MAPK10: variants seen among roughly 807,000 people sequenced by gnomAD.
MAPK10 encodes mitogen-activated protein kinase 10, also known as JNK3 alpha protein kinase.
Under a neutral mutation model 59.3 loss-of-function variants are expected in MAPK10, and 25 were observed. The ratio of observed to expected loss-of-function variants is 0.42; its 90% CI spans 0.31 to 0.59. The LOEUF (loss-of-function observed/expected upper bound fraction) is 0.59, where lower values mean the gene tolerates loss of function less well. MAPK10 is among the 20% of genes least tolerant of loss of function. The probability of loss-of-function intolerance (pLI) is 0.15; values close to 1 mark genes in which losing one functional copy is unlikely to be tolerated. For missense variants in MAPK10, 351 were observed against 568.9 expected (o/e 0.62, Z 3.90); for synonymous variants, 190 against 200.5 (o/e 0.95, Z 0.44).
chr4:86,150,689 G>T (rs1016973562), intron 4 of MAPK10, among the ~76,000 whole-genome samples: 1 of 152,062 alleles, frequency 6.6e-6, no homozygotes, highest in Non-Finnish European at 1.5e-5. Context: ...GTGAAACCCC[G>T]TCTCTACTAA....
chr4:86,266,109 A>G (rs2094224083), intron 2 of MAPK10, among the ~76,000 whole-genome samples: 1 of 152,198 alleles, frequency 6.6e-6, no homozygotes, highest in South Asian at 2.1e-4. Context: ...CATGTGACGA[A>G]CTTTGTGAAA....
At chr4:86,363,089 C>T (rs145113889), upstream of MAPK10, among the ~76,000 whole-genome samples, 21 of 152,216 alleles carry the variant, frequency 1.4e-4, no homozygotes, top group African/African-American at 3.1e-4. Flanking sequence ...AGTCAGCCCT[C>T]CATGTTCATG....
intron 11 of MAPK10, 50 bp downstream of exon 11, chr4:86,064,216 T>C: frequency 6.2e-7 from 1 of 1,606,832 alleles, no homozygotes; most frequent in African/African-American, 1.3e-5. Context: ...GTTTTTGCTA[T>C]GAGCTATGAT....
chr4:86,178,347 A>G lies in MAPK10; in HGVS notation c.66+15989T>C, dbSNP rs2076157753. Among the ~76,000 whole-genome samples, 3 of 151,834 alleles carry G rather than the reference A, an allele frequency of 2.0e-5. No individual in the cohort carries two copies. The South Asian group carries it at 6.2e-4, about 31-fold the overall frequency. ...GTTTTGGTTGGTTGGATGTTTGGTG[A>G]CTCATTATTGCTTATCTCTGAGGTC... On this transcript the variant is annotated intron_variant, in intron 3 of 13. Coordinates refer to ENST00000641462, the MANE Select transcript of MAPK10 (RefSeq NM_138982.4).
rs112287084 is a variant in MAPK10 at position 86,017,143 on chromosome 4, TTGTG to T, written c.*81_*84del. The T allele has an allele frequency of 7.9e-5, 101 of 1,275,120 alleles. No homozygotes were observed. Among genetic ancestry groups the T allele is most frequent in the Middle Eastern group, 2.9e-4 (1 of 3,506 alleles). 79.0% of individuals were successfully genotyped at this position (1,275,120 alleles called of 1,614,324 possible). On this transcript the variant is annotated 3_prime_UTR_variant, in exon 14 of 14. Transcript: ENST00000641462. The surrounding 1 kb of genome is among the most constrained non-coding windows in gnomAD (Gnocchi z 4.4). ...TTTTCTTGATGTTGTGTGTCTGCAT[TTGTG>T]TGTGTGTGTGTGTCTGCGTGTGTGT... is the stretch of plus-strand genomic sequence containing the variant.
intron 1 of MAPK10, among the ~76,000 whole-genome samples, chr4:86,550,374 TAAA>T (rs753508493): frequency 2.3e-4 from 18 of 77,380 alleles, no homozygotes; most frequent in South Asian, 5.2e-4. Flanking sequence ...GAGCTTCAGT[TAAA>T]AAAAAAAAAA....
intron 9 of MAPK10, among the ~76,000 whole-genome samples, chr4:86,070,310 A>G (rs1321771234): frequency 6.6e-6 from 1 of 151,934 alleles, no homozygotes; most frequent in Admixed American, 6.6e-5. Flanking sequence ...AAACATGAAC[A>G]ACTATGTCCA....
chr4:86,368,358 G>A (rs1738238131), intron 1 of MAPK10, among the ~76,000 whole-genome samples: 1 of 152,106 alleles, frequency 6.6e-6, no homozygotes, highest in Non-Finnish European at 1.5e-5. Flanking sequence ...AACCAATAAT[G>A]ATACATTATT....
intron 1 of MAPK10, among the ~76,000 whole-genome samples, chr4:86,547,205 G>C (rs1246993175): frequency 6.6e-6 from 1 of 152,234 alleles, no homozygotes; most frequent in Non-Finnish European, 1.5e-5. Context: ...CCCTGCCTGG[G>C]TTCCCACTTT....
At chr4:86,234,304 T>G (rs2091977261) in intron 2 of MAPK10, among the ~76,000 whole-genome samples, 1 of 152,174 alleles carries the variant, frequency 6.6e-6, no homozygotes, top group Non-Finnish European at 1.5e-5. Context: ...TTTGTTATCA[T>G]CTGTTGAGTA....
At position 86,389,780 on chromosome 4, in the gene MAPK10, T is replaced by G. The variant is rs189515875; in HGVS notation, c.-121-35136A>C. 1.6e-3 allele frequency among the ~76,000 whole-genome samples: 246 copies of G among 152,358 alleles called. 4 individuals are homozygous for G. In the South Asian group the frequency reaches 0.029, roughly 18 times the overall value. On this transcript the variant is annotated intron_variant, in intron 1 of 13. Coordinates refer to the MAPK10 transcript ENST00000361569. ...GAGGAAATATTGTATGATGCTTTAT[T>G]TTCTTTGTGGAGGTACTGGGAGTTA...
intron 2 of MAPK10, among the ~76,000 whole-genome samples, chr4:86,347,879 G>A (rs1455254200): frequency 6.6e-6 from 1 of 151,980 alleles, no homozygotes; most frequent in Admixed American, 6.6e-5. Context: ...GAATTTGGAG[G>A]GAACACAAAA....
At chr4:86,571,231 T>A (rs1243152737) in intron 1 of MAPK10, among the ~76,000 whole-genome samples, 2 of 149,576 alleles carry the variant, frequency 1.3e-5, no homozygotes, top group Non-Finnish European at 3.0e-5. Context: ...AAAATTAATT[T>A]AAAAAAATCT....
At chr4:86,260,269 T>C (rs1420904222) in intron 2 of MAPK10, among the ~76,000 whole-genome samples, 1 of 152,122 alleles carries the variant, frequency 6.6e-6, no homozygotes, top group East Asian at 1.9e-4. Flanking sequence ...ATTTGTAAAA[T>C]ACGAGTTTCA....
chr4:86,205,582 G>T (rs895764619), intron 2 of MAPK10, among the ~76,000 whole-genome samples: 9 of 151,604 alleles, frequency 5.9e-5, no homozygotes, highest in Admixed American at 2.6e-4. Context: ...AAATTATCAA[G>T]CAAAATTATA....
At chr4:86,089,356 T>A in intron 9 of MAPK10, 1 of 938,622 alleles carries the variant, frequency 1.1e-6, no homozygotes, top group South Asian at 1.4e-5. Flanking sequence ...GGGCTACTCA[T>A]GCCATAGAGC....
At chr4:86,584,973 A>G (rs1033539546) in intron 1 of MAPK10, among the ~76,000 whole-genome samples, 1 of 152,200 alleles carries the variant, frequency 6.6e-6, no homozygotes, top group African/African-American at 2.4e-5. Context: ...CTTTTATCTA[A>G]CACTTTTATC....
chr4:86,176,760 A>G (rs1332174844), intron 3 of MAPK10, among the ~76,000 whole-genome samples: 1 of 152,160 alleles, frequency 6.6e-6, no homozygotes, highest in Non-Finnish European at 1.5e-5. Flanking sequence ...GTCAAGCAAC[A>G]TTAATCATTC....
chr4:86,482,863 A>G (rs1753709606), intron 1 of MAPK10, among the ~76,000 whole-genome samples: 1 of 152,194 alleles, frequency 6.6e-6, no homozygotes. Context: ...CAGAGATTTG[A>G]GTATATTCCA....
Sources: allele counts gnomAD v4.1 joint callset (sites outside exome capture counted in the v4.1 genomes callset), GRCh38; gene constraint gnomAD v4.1.1; non-coding constraint Gnocchi (gnomAD v3.1); transcripts MANE v1.5; gene names NCBI Gene and HGNC (gene_info 2026-07-23, HGNC 2026-07-21).